Variants in TMCO1 observed in about 807,000 individuals in gnomAD.
TMCO1 encodes the protein transmembrane and coiled-coil domains 1, also known as calcium load-activated calcium channel.
Under a neutral mutation model 29.3 loss-of-function variants are expected in TMCO1, and 29 were observed. That is an observed-to-expected ratio of 0.99 (90% CI 0.74 to 1.35). The LOEUF (loss-of-function observed/expected upper bound fraction) is 1.35, where lower values mean the gene tolerates loss of function less well. TMCO1 is among the 40% of genes most tolerant of loss of function. The pLI is 0.00. For missense variants in TMCO1, 173 were observed against 225.5 expected (o/e 0.77, Z 1.49); for synonymous variants, 80 against 77.1 (o/e 1.04, Z -0.20).
In TMCO1 at chr1:165,746,009, C is replaced by T. The variant is rs967383620; in HGVS notation, c.324-2698G>A. 1.2e-4 allele frequency among the ~76,000 whole-genome samples: 19 copies of T among 152,196 alleles called. No individual in the cohort carries two copies. In the East Asian group the frequency reaches 1.9e-3, roughly 15 times the overall value. ...AAAAACAAAAAAAGAAGGCCAGGAG[C>T]GGTGGCTCACGCCTGTAATCCCAGC... On this transcript the variant is annotated intron_variant, in intron 5 of 6. Coordinates refer to ENST00000367881, the MANE Select transcript of TMCO1 (RefSeq NM_019026.6).
intron 4 of TMCO1, among the ~76,000 whole-genome samples, 194 bp from the exon 5 acceptor site, chr1:165,752,363 C>G (rs1652032061): frequency 6.6e-6 from 1 of 150,442 alleles, no homozygotes; most frequent in Non-Finnish European, 1.5e-5. Context: ...TCACGCCATT[C>G]CCTTGCCTCA....
chr1:165,753,766 G>A (rs992204266), intron 4 of TMCO1, among the ~76,000 whole-genome samples: 4 of 152,174 alleles, frequency 2.6e-5, no homozygotes, highest in Middle Eastern at 3.4e-3. Context: ...AGCTCTGATC[G>A]TGCTACTGCA....
Position 165,752,101 on chromosome 1 carries a change from C to T in TMCO1, c.323+1G>A. ...TCAAAAGCATATAAAAGGACACTCA[C>T]ATGGAATTGAACATTCCCATTAGGG... On this transcript the variant is annotated splice_donor_variant, in intron 5 of 6. Transcript: ENST00000367881. LOFTEE classifies it high-confidence loss of function. 6.2e-7 allele frequency: 1 copy of T among 1,609,630 alleles called. No homozygotes were observed. Among genetic ancestry groups the T allele is most frequent in the Non-Finnish European group, 8.5e-7 (1 of 1,176,130 alleles).
At chr1:165,740,073 T>C (rs952067010) in intron 6 of TMCO1, among the ~76,000 whole-genome samples, 1 of 151,874 alleles carries the variant, frequency 6.6e-6, no homozygotes, top group African/African-American at 2.4e-5. Context: ...GATCGAGCTA[T>C]TGCACTCCAG....
intron 5 of TMCO1, among the ~76,000 whole-genome samples, chr1:165,745,474 CAAAAAA>C (rs570579214): frequency 2.0e-5 from 2 of 101,350 alleles, no homozygotes; most frequent in Non-Finnish European, 1.9e-5. Flanking sequence ...CTATCTCTAC[CAAAAAA>C]AAAAAAAAAA....
rs552173270 is a variant in TMCO1 at position 165,729,895 on chromosome 1, T to A, written c.469-1774A>T. Among the ~76,000 whole-genome samples the A allele has an allele frequency of 3.3e-5, 5 of 152,226 alleles. No individual in the cohort carries two copies. In the East Asian group the frequency reaches 9.6e-4, roughly 29 times the overall value. On this transcript the variant is annotated intron_variant, in intron 6 of 6. Coordinates refer to ENST00000367881, the MANE Select transcript of TMCO1 (RefSeq NM_019026.6). ...GTAGGCAGGTTTGCATGCATTAAAC[T>A]ATTCATCCAGTAGTTACTGAGTACC... is the stretch of plus-strand genomic sequence containing the variant.
intron 6 of TMCO1, among the ~76,000 whole-genome samples, chr1:165,740,119 TAAC>T (rs566615976): frequency 1.4e-4 from 21 of 151,946 alleles, no homozygotes; most frequent in South Asian, 6.3e-4. Flanking sequence ...CTCAAAATAA[TAAC>T]AACAACAACA....
At chr1:165,745,999 A>C (rs1340575281) in intron 5 of TMCO1, among the ~76,000 whole-genome samples, 6 of 152,144 alleles carry the variant, frequency 3.9e-5, no homozygotes, top group Non-Finnish European at 1.5e-5. Context: ...CAAAAAAAGA[A>C]GGCCAGGAGC....
downstream of TMCO1, chr1:165,726,403 A>C (rs1197703292): frequency 7.9e-6 from 5 of 631,300 alleles, no homozygotes; most frequent in Non-Finnish European, 1.5e-5. Context: ...CACACACTCT[A>C]GTTGAGGAGA....
chr1:165,748,733 G>C (rs1571222101), intron 5 of TMCO1, among the ~76,000 whole-genome samples: 3 of 152,224 alleles, frequency 2.0e-5, no homozygotes, highest in Non-Finnish European at 1.5e-5. Context: ...GTTCATTCTT[G>C]GTGTTGTACA....
Position 165,752,098 on chromosome 1 carries a change from T to A in TMCO1, c.323+4A>T. The A allele has an allele frequency of 1.2e-6, 2 of 1,608,534 alleles. No individual in the cohort carries two copies. Among genetic ancestry groups the A allele is most frequent in the Non-Finnish European group, 1.7e-6 (2 of 1,175,190 alleles). On this transcript the variant is annotated splice_donor_region_variant and intron_variant, in intron 5 of 6. Transcript: ENST00000367881. ...TAGTCAAAAGCATATAAAAGGACAC[T>A]CACATGGAATTGAACATTCCCATTA... is the stretch of plus-strand genomic sequence containing the variant.
chr1:165,726,195 G>A, downstream of TMCO1: 1 of 698,958 alleles, frequency 1.4e-6, no homozygotes, highest in Non-Finnish European at 2.6e-6. Context: ...GCTTAGAGTG[G>A]TCAATGATAT....
intron 2 of TMCO1, 37 bp downstream of exon 2, chr1:165,768,155 C>T (rs780036538): frequency 4.7e-6 from 7 of 1,501,078 alleles, no homozygotes; most frequent in Admixed American, 3.3e-5. Context: ...ATGAGCTTGA[C>T]GTGTTGAAAT....
At chr1:165,730,744 C>T (rs113249682) in intron 6 of TMCO1, among the ~76,000 whole-genome samples, 2,012 of 151,798 alleles carry the variant, frequency 0.013, 52 homozygotes, top group African/African-American at 0.047. Context: ...AACAGGCATG[C>T]CACCATGCCC....
Position 165,726,916 on chromosome 1 carries a change from CTGA to C in TMCO1, c.*1104_*1106del, listed in dbSNP as rs1442441166. On this transcript the variant is annotated 3_prime_UTR_variant, in exon 7 of 7. Transcript: ENST00000367881. ...CTACTGTCTTCTGGACTTTATGGTG[CTGA>C]TAAGAAAGAAGTTTGCTGTTGGTTT... 2 of 454,004 alleles carry C rather than the reference CTGA, an allele frequency of 4.4e-6. No homozygotes were observed. The highest frequency in any genetic ancestry group is 1.4e-4 in the East Asian group (2 of 14,390). The allele number at this position is 454,004 out of a possible 1,614,324, so 28.1% of individuals were successfully genotyped here.
chr1:165,727,928 G>A lies in TMCO1; in HGVS notation c.*95C>T, dbSNP rs563828358. On this transcript the variant is annotated 3_prime_UTR_variant, in exon 7 of 7. Coordinates refer to ENST00000367881, the MANE Select transcript of TMCO1 (RefSeq NM_019026.6). Reference sequence around the variant, plus strand: ...AATTCAAAACTAGAAAGAGGCCCAAGTAGTAAGGCTACCTATGGCTCTTGC... The same window carrying A: ...AATTCAAAACTAGAAAGAGGCCCAAATAGTAAGGCTACCTATGGCTCTTGC... The A allele has an allele frequency of 1.1e-6, 1 of 929,146 alleles. No individual in the cohort carries two copies. Among genetic ancestry groups the A allele is most frequent in the East Asian group, 3.0e-5 (1 of 32,944 alleles). 57.6% of individuals were successfully genotyped at this position (929,146 alleles called of 1,614,324 possible).
chr1:165,759,225 AAAC>A (rs770507131), intron 3 of TMCO1, among the ~76,000 whole-genome samples: 2 of 152,230 alleles, frequency 1.3e-5, no homozygotes, highest in Non-Finnish European at 2.9e-5. Context: ...CAGATATAAA[AAAC>A]AACATGCTTT....
At chr1:165,752,309 C>T (rs1002847144) in intron 4 of TMCO1, 140 bp from the exon 5 acceptor site, 13 of 664,486 alleles carry the variant, frequency 2.0e-5, no homozygotes, top group African/African-American at 3.9e-5. Flanking sequence ...GGCTGGAGTA[C>T]AGTGGCGCAA....
intron 5 of TMCO1, among the ~76,000 whole-genome samples, chr1:165,745,849 A>G (rs890247753): frequency 6.6e-6 from 1 of 152,202 alleles, no homozygotes; most frequent in African/African-American, 2.4e-5. Flanking sequence ...ACCAGAACAA[A>G]AACATGAATA....
Sources: gnomAD v4.1 joint callset for allele counts (sites outside exome capture counted in the v4.1 genomes callset) on GRCh38, gnomAD v4.1.1 for gene constraint, MANE v1.5 for transcripts, NCBI Gene and HGNC (gene_info 2026-07-23, HGNC 2026-07-21) for gene names.